RGS7BP: variants seen among roughly 807,000 people sequenced by gnomAD.
The protein encoded by RGS7BP is regulator of G protein signaling 7-binding protein.
In RGS7BP, 9 loss-of-function variants were observed where a neutral mutation model predicts 31.3. The ratio of observed to expected loss-of-function variants is 0.29; its 90% CI spans 0.17 to 0.50. The LOEUF is 0.50. Among genes scored for constraint, RGS7BP ranks in the 20% least tolerant of loss-of-function variants. RGS7BP has a pLI of 0.98. For missense variants in RGS7BP, 274 were observed against 322.0 expected, an observed-to-expected ratio of 0.85 and a Z score of 1.14; for synonymous variants, 115 against 120.1, an observed-to-expected ratio of 0.96 and a Z score of 0.28.
Position 64,610,743 on chromosome 5 carries a change from T to G in RGS7BP, c.*1491T>G, listed in dbSNP as rs943412589. 5 of 152,028 alleles carry G rather than the reference T, an allele frequency of 3.3e-5. No individual in the cohort carries two copies. Among genetic ancestry groups the G allele is most frequent in the African/African-American group, 1.2e-4 (5 of 41,434 alleles). 9.4% of individuals were successfully genotyped at this position (152,028 alleles called of 1,614,324 possible). ...AATTATTGTATTAGGTTGAATTATA[T>G]GAAATTTCCTATATGTGACTGTTTT... On this transcript the variant is annotated 3_prime_UTR_variant, in exon 6 of 6. Transcript: ENST00000334025.
chr5:64,591,413 T>G (rs532153186), intron 3 of RGS7BP, among the ~76,000 whole-genome samples: 12 of 151,908 alleles, frequency 7.9e-5, no homozygotes, highest in South Asian at 2.1e-4. Flanking sequence ...AAAATAAAAA[T>G]AAAAGTGCAA....
At chr5:64,545,589 G>A (rs1287642223) in intron 2 of RGS7BP, among the ~76,000 whole-genome samples, 1 of 152,118 alleles carries the variant, frequency 6.6e-6, no homozygotes, top group East Asian at 1.9e-4. Flanking sequence ...AATTTATGTG[G>A]GCAGTGATGT....
rs1166738086 is a variant in RGS7BP at position 64,506,485 on chromosome 5, G to A, written c.-140G>A. The A allele has an allele frequency of 3.4e-6, 2 of 593,878 alleles. No individual in the cohort carries two copies. The highest frequency in any genetic ancestry group is 5.6e-6 in the Non-Finnish European group (2 of 359,176). 36.8% of individuals were successfully genotyped at this position (593,878 alleles called of 1,614,324 possible). Reference sequence around the variant, plus strand: ...CCTTCAAGCTGAAGGTTACCGACCCGCGCAGCCAGCCCCAGCACTGTGAGC... The same window carrying A: ...CCTTCAAGCTGAAGGTTACCGACCCACGCAGCCAGCCCCAGCACTGTGAGC... On this transcript the variant is annotated 5_prime_UTR_variant, in exon 1 of 6. Transcript: ENST00000334025. This position sits in a 1 kb window ranked among gnomAD's most constrained non-coding sequence, Gnocchi z 4.6.
chr5:64,551,461 C>T (rs933183129), intron 2 of RGS7BP, among the ~76,000 whole-genome samples: 1 of 151,580 alleles, frequency 6.6e-6, no homozygotes, highest in Non-Finnish European at 1.5e-5. Context: ...CAGGGTTTCA[C>T]CATTTTGGCC....
intron 2 of RGS7BP, among the ~76,000 whole-genome samples, chr5:64,530,189 C>G (rs1404396316): frequency 2.6e-5 from 4 of 152,172 alleles, no homozygotes; most frequent in Admixed American, 2.6e-4. Flanking sequence ...CTTATCTACT[C>G]ATCTTTACAA....
At chr5:64,595,291 G>C (rs571237263) in intron 4 of RGS7BP, among the ~76,000 whole-genome samples, 1 of 152,072 alleles carries the variant, frequency 6.6e-6, no homozygotes, top group African/African-American at 2.4e-5. Context: ...GTAAAGTCTC[G>C]GGTTTCAGGT....
At position 64,594,797 on chromosome 5, in the gene RGS7BP, C is replaced by T. The variant is rs940657616; in HGVS notation, c.551C>T (p.Ser184Phe). 6.2e-7 allele frequency: 1 copy of T among 1,613,682 alleles called. No individual in the cohort carries two copies. Among genetic ancestry groups the T allele is most frequent in the Non-Finnish European group, 8.5e-7 (1 of 1,179,728 alleles). ...CCTGCCCTAGAAGACTCCTCATCAT[C>T]CCCCGTAGATAGTCAGCAACATTCC... ...ETPALEDSSS[S>F]PVDSQQHSWQ... The change falls in exon 4 of 6, where the codon TCC becomes TTC. Residue 184 changes from serine to phenylalanine, a missense_variant. By Grantham distance (155) the Ser-to-Phe change is radical. Around this residue, in one of 3 missense-constraint regions of RGS7BP, gnomAD observed 112 missense variants for 130.9 expected, o/e 0.86. Coordinates refer to ENST00000334025, the MANE Select transcript of RGS7BP (RefSeq NM_001029875.3).
chr5:64,570,203 C>T (rs113315697), intron 2 of RGS7BP, among the ~76,000 whole-genome samples: 1,611 of 152,068 alleles, frequency 0.011, 12 homozygotes, highest in South Asian at 0.024. Flanking sequence ...AAGCAGAAGG[C>T]TAAGTAAACA....
Position 64,526,284 on chromosome 5 carries a change from A to G in RGS7BP, c.332+18407A>G, listed in dbSNP as rs192018216. On this transcript the variant is annotated intron_variant, in intron 2 of 5. Transcript: ENST00000334025. Reference sequence around the variant, plus strand: ...GTAAGTTTGCTTCAATTCTATTGGCATCTGGCTTGTTGGAAAACTGGGCCA... The same window carrying G: ...GTAAGTTTGCTTCAATTCTATTGGCGTCTGGCTTGTTGGAAAACTGGGCCA... Among the ~76,000 whole-genome samples the G allele has an allele frequency of 9.9e-4, 151 of 152,316 alleles. 3 individuals are homozygous for G. The East Asian group carries it at 0.025, about 25-fold the overall frequency.
intron 2 of RGS7BP, among the ~76,000 whole-genome samples, chr5:64,520,560 C>T (rs1455453765): frequency 6.6e-6 from 1 of 152,214 alleles, no homozygotes; most frequent in East Asian, 1.9e-4. Context: ...CATATTTACT[C>T]ACATCGCTTC....
Position 64,524,671 on chromosome 5 carries a change from A to T in RGS7BP, c.332+16794A>T, listed in dbSNP as rs574781629. Among the ~76,000 whole-genome samples, 47 of 152,052 alleles carry T rather than the reference A, an allele frequency of 3.1e-4. 1 individual carries two copies. Among genetic ancestry groups the T allele is most frequent in the Admixed American group, 2.6e-4 (4 of 15,280 alleles). On this transcript the variant is annotated intron_variant, in intron 2 of 5. Transcript: ENST00000334025. ...ACTCCTAAACTTTCATGTCCTTTAA[A>T]AATTTTATTTTTATTATTGTATTAG...
chr5:64,577,129 G>A (rs542076665), intron 3 of RGS7BP, among the ~76,000 whole-genome samples: 3 of 152,188 alleles, frequency 2.0e-5, no homozygotes, highest in African/African-American at 7.2e-5. Flanking sequence ...TAAAGGACAT[G>A]ATGAAGTACT....
Position 64,612,078 on chromosome 5 carries a change from G to C in RGS7BP, c.*2826G>C, listed in dbSNP as rs921619503. 9.3e-4 allele frequency: 142 copies of C among 152,154 alleles called. 1 individual carries two copies. The highest frequency in any genetic ancestry group is 2.9e-4 in the Non-Finnish European group (20 of 67,850). The allele number at this position is 152,154 out of a possible 1,614,324, so 9.4% of individuals were successfully genotyped here. A position where few individuals can be genotyped will look rare whatever the true frequency, so the allele number is the denominator to read the frequency against. Reference sequence around the variant, plus strand: ...TTTCCCACCATATCTTTACTATCCTGTGTTGATTTTTTTTTCAAATTACAA... The same window carrying C: ...TTTCCCACCATATCTTTACTATCCTCTGTTGATTTTTTTTTCAAATTACAA... On this transcript the variant is annotated 3_prime_UTR_variant, in exon 6 of 6. Coordinates refer to ENST00000334025, the MANE Select transcript of RGS7BP (RefSeq NM_001029875.3).
At chr5:64,552,642 A>G (rs979181415) in intron 2 of RGS7BP, among the ~76,000 whole-genome samples, 1 of 152,090 alleles carries the variant, frequency 6.6e-6, no homozygotes, top group South Asian at 2.1e-4. Flanking sequence ...AACTTTTATC[A>G]CCTGGGTCTG....
chr5:64,510,064 G>A (rs1336008375), intron 2 of RGS7BP, among the ~76,000 whole-genome samples: 2 of 152,160 alleles, frequency 1.3e-5, no homozygotes, highest in Non-Finnish European at 2.9e-5. Flanking sequence ...AGGCTGGTAG[G>A]GAGGCTGTAG....
rs1262267446 is a variant in RGS7BP, at chr5:64,609,956, C to A, written c.*704C>A. 6.6e-6 allele frequency: 1 copy of A among 152,356 alleles called. No individual in the cohort carries two copies. Among genetic ancestry groups the A allele is most frequent in the Non-Finnish European group, 1.5e-5 (1 of 67,916 alleles). The allele number at this position is 152,356 out of a possible 1,614,324, so 9.4% of individuals were successfully genotyped here. On this transcript the variant is annotated 3_prime_UTR_variant, in exon 6 of 6. Coordinates refer to ENST00000334025, the MANE Select transcript of RGS7BP (RefSeq NM_001029875.3). ...ATGGGCAACTAATTTCTTTTTGATC[C>A]AATGATGTCTTTTTCAGCTTCTTGG...
At chr5:64,606,909 T>C (rs1386684764) in intron 5 of RGS7BP, among the ~76,000 whole-genome samples, 1 of 152,130 alleles carries the variant, frequency 6.6e-6, no homozygotes, top group Non-Finnish European at 1.5e-5. Context: ...AGGACAATTA[T>C]AGCCCTGTTT....
At chr5:64,516,302 C>A (rs1393531309) in intron 2 of RGS7BP, among the ~76,000 whole-genome samples, 2 of 152,108 alleles carry the variant, frequency 1.3e-5, no homozygotes, top group African/African-American at 4.8e-5. Context: ...TCTTGAAGTG[C>A]CCCCACCCCT....
rs1176916532 is a variant in RGS7BP, at chr5:64,609,753, A to G, written c.*501A>G. 2 of 153,630 alleles carry G rather than the reference A, an allele frequency of 1.3e-5. No homozygotes were observed. The highest frequency in any genetic ancestry group is 2.9e-5 in the Non-Finnish European group (2 of 68,748). The allele number at this position is 153,630 out of a possible 1,614,324, so 9.5% of individuals were successfully genotyped here. A position where few individuals can be genotyped will look rare whatever the true frequency, so the allele number is the denominator to read the frequency against. On this transcript the variant is annotated 3_prime_UTR_variant, in exon 6 of 6. Coordinates refer to ENST00000334025, the MANE Select transcript of RGS7BP (RefSeq NM_001029875.3). Reference sequence around the variant, plus strand: ...ATTAGAAATAATATTATAAGCAAACATATACCACCTCACCTATTGCTTTCT... The same window carrying G: ...ATTAGAAATAATATTATAAGCAAACGTATACCACCTCACCTATTGCTTTCT...
Sources: gnomAD v4.1 joint callset for allele counts (sites outside exome capture counted in the v4.1 genomes callset) on GRCh38, gnomAD v4.1.1 for gene constraint, gnomAD v4.1.1 regional missense constraint, Gnocchi (gnomAD v3.1) non-coding constraint, MANE v1.5 for transcripts, NCBI Gene and HGNC (gene_info 2026-07-23, HGNC 2026-07-21) for gene names.